GPAM: variants seen among roughly 807,000 people sequenced by gnomAD.
The protein encoded by GPAM is glycerol-3-phosphate acyltransferase, mitochondrial.
Under a neutral mutation model 105.0 loss-of-function variants are expected in GPAM, and 56 were observed. That is an observed-to-expected ratio of 0.53 (90% CI 0.43 to 0.67). The LOEUF (loss-of-function observed/expected upper bound fraction) is 0.67. GPAM is among the 30% of genes least tolerant of loss of function. The probability of loss-of-function intolerance (pLI) is 0.00; values close to 1 mark genes in which losing one functional copy is unlikely to be tolerated. For missense variants in GPAM, 855 were observed against 989.8 expected, an observed-to-expected ratio of 0.86 and a Z score of 1.83; for synonymous variants, 368 against 354.4, an observed-to-expected ratio of 1.04 and a Z score of -0.43.
At position 112,172,956 on chromosome 10, in the gene GPAM, A is replaced by T; in HGVS notation, c.657+14T>A. The T allele has an allele frequency of 7.2e-7, 1 of 1,385,740 alleles. No homozygotes were observed. Among genetic ancestry groups the T allele is most frequent in the Non-Finnish European group, 1.0e-6 (1 of 971,252 alleles). The allele number at this position is 1,385,740 out of a possible 1,614,324, so 85.8% of individuals were successfully genotyped here. The stretch of plus-strand genomic sequence containing the variant: ...GAGGGGAAAATGGGGTAATAGATTC[A>T]CAGAAATTCTTGCCTCAGTTGCAGC... On this transcript the variant is annotated intron_variant, in intron 8 of 21. Transcript: ENST00000348367.
chr10:112,202,167 C>T (rs1172022785), intron 1 of GPAM, among the ~76,000 whole-genome samples: 1 of 152,172 alleles, frequency 6.6e-6, no homozygotes, highest in East Asian at 1.9e-4. Context: ...ATATTTTAGG[C>T]TTTGTGGGCT....
chr10:112,152,823 G>T lies in GPAM; in HGVS notation c.*727C>A. 1 of 415,938 alleles carries T rather than the reference G, an allele frequency of 2.4e-6. No individual in the cohort carries two copies. The highest frequency in any genetic ancestry group is 3.2e-6 in the Non-Finnish European group (1 of 309,770). 25.8% of individuals were successfully genotyped at this position (415,938 alleles called of 1,614,324 possible). On this transcript the variant is annotated 3_prime_UTR_variant, in exon 22 of 22. Transcript: ENST00000348367. ...CAAAAGCCTTCAACACCAGTTTTCTGGCCAAGTTTCCCTAGAATTTTGCCA... is the reference window on the plus strand; with the variant it reads ...CAAAAGCCTTCAACACCAGTTTTCTTGCCAAGTTTCCCTAGAATTTTGCCA...
chr10:112,192,386 G>T (rs1197385744), intron 1 of GPAM, among the ~76,000 whole-genome samples: 2 of 152,178 alleles, frequency 1.3e-5, no homozygotes, highest in Non-Finnish European at 2.9e-5. Context: ...AAATCACAAT[G>T]AAATTTTTTT....
At chr10:112,200,942 A>G (rs1847790309) in intron 1 of GPAM, among the ~76,000 whole-genome samples, 1 of 152,238 alleles carries the variant, frequency 6.6e-6, no homozygotes, top group South Asian at 2.1e-4. Context: ...CATAAAAGAA[A>G]TGCTAATTAT....
Position 112,206,833 on chromosome 10 carries a change from TAAA to T in GPAM, n.210+8332_210+8334del, listed in dbSNP as rs57906877. Among the ~76,000 whole-genome samples, 223 of 140,218 alleles carry T rather than the reference TAAA, an allele frequency of 1.6e-3. 1 individual carries two copies. The highest frequency in any genetic ancestry group is 5.6e-3 in the African/African-American group (218 of 38,854). 92.0% of individuals were successfully genotyped at this position (140,218 alleles called of 152,430 possible). On this transcript the variant is annotated intron_variant and non_coding_transcript_variant, in intron 1 of 3. Transcript: ENST00000480130. Reference sequence around the variant, plus strand: ...TTAAAGTATAATAAAAAAAAAAATTTAAAAAAAAAAAAAAAGAATCAAAACAGG... The same window carrying T: ...TTAAAGTATAATAAAAAAAAAAATTTAAAAAAAAAAAAGAATCAAAACAGG...
At chr10:112,223,870 G>A in the GPAM span, among the ~76,000 whole-genome samples, 4 of 152,198 alleles carry the variant, frequency 2.6e-5, no homozygotes, top group East Asian at 1.9e-4. Flanking sequence ...TCCCAGGGCT[G>A]TAATTTACTG....
At chr10:112,215,569 G>C (rs1847958960), upstream of GPAM, among the ~76,000 whole-genome samples, 1 of 151,948 alleles carries the variant, frequency 6.6e-6, no homozygotes, top group African/African-American at 2.4e-5. Flanking sequence ...AATGAATGGT[G>C]TCTTCTTCGC....
rs555748454 is a variant in GPAM at position 112,165,594 on chromosome 10, G to A, written c.1221+808C>T. Among the ~76,000 whole-genome samples, 26 of 152,226 alleles carry A rather than the reference G, an allele frequency of 1.7e-4. No individual in the cohort carries two copies. The East Asian group carries it at 4.6e-3, about 27-fold the overall frequency. ...AATCCCAGCTACTTAGGAGGCTGACGCAGGAGAATTGCTTGAACCTAGGGG... is the reference window on the plus strand; with the variant it reads ...AATCCCAGCTACTTAGGAGGCTGACACAGGAGAATTGCTTGAACCTAGGGG... On this transcript the variant is annotated intron_variant, in intron 12 of 21. Transcript: ENST00000348367.
chr10:112,155,261 A>G (rs1266997557), intron 20 of GPAM: 1 of 171,140 alleles, frequency 5.8e-6, no homozygotes, highest in African/African-American at 2.4e-5. Flanking sequence ...ACAACTGTAT[A>G]AAATAGTACT....
chr10:112,167,891 C>G (rs936433813), intron 11 of GPAM, among the ~76,000 whole-genome samples: 15 of 152,232 alleles, frequency 9.9e-5, no homozygotes, highest in African/African-American at 3.6e-4. Flanking sequence ...TGCTACCTCT[C>G]AAATTAATCT....
At chr10:112,198,609 T>C (rs117749767) in intron 1 of GPAM, among the ~76,000 whole-genome samples, 4,682 of 152,232 alleles carry the variant, frequency 0.031, 81 homozygotes, top group Non-Finnish European at 0.034. Context: ...GAAAACAGTA[T>C]GGGGTGGTTC....
chr10:112,164,571 G>C lies in GPAM; in HGVS notation c.1261C>G (p.Leu421Val). 6.2e-7 allele frequency: 1 copy of C among 1,607,760 alleles called. No individual in the cohort carries two copies. Among genetic ancestry groups the C allele is most frequent in the Non-Finnish European group, 8.5e-7 (1 of 1,174,314 alleles). ...ESQSQKPVSA[L>V]LSLEQALLPA... ...AACAACGCTTGCTCCAGGGAAAGTA[G>C]AGCAGACACCGGTTTCTGACTTTGG... is the stretch of plus-strand genomic sequence containing the variant. The change falls in exon 13 of 22, where the codon CTA becomes GTA. Residue 421 changes from leucine (L) to valine (V), a missense_variant. Transcript: ENST00000348367.
chr10:112,158,544 T>C, intron 17 of GPAM, 151 bp from the exon 18 acceptor site: 1 of 675,456 alleles, frequency 1.5e-6, no homozygotes. Flanking sequence ...CAGTGCCCAC[T>C]GTCTTGATAC....
At chr10:112,224,927 TA>T in the GPAM span, among the ~76,000 whole-genome samples, 1 of 152,118 alleles carries the variant, frequency 6.6e-6, no homozygotes, top group East Asian at 1.9e-4. Context: ...CAAACAACAA[TA>T]ATCCCAGACC....
chr10:112,225,051 G>A, the GPAM span, among the ~76,000 whole-genome samples: 11 of 152,126 alleles, frequency 7.2e-5, no homozygotes, highest in Admixed American at 2.0e-4. Context: ...GGTCAGGGCC[G>A]GCCTGGTGAT....
Position 112,152,600 on chromosome 10 carries a change from A to G in GPAM, c.*950T>C. ...AGCCCTCATCAGCTGTGGCCAGAGA[A>G]CTGTATTCTAACAGTCTGTCAGCTC... On this transcript the variant is annotated 3_prime_UTR_variant, in exon 22 of 22. Transcript: ENST00000348367. 1 of 985,420 alleles carries G rather than the reference A, an allele frequency of 1.0e-6. No homozygotes were observed. The highest frequency in any genetic ancestry group is 1.2e-6 in the Non-Finnish European group (1 of 829,920). 61.0% of individuals were successfully genotyped at this position (985,420 alleles called of 1,614,324 possible). A position where few individuals can be genotyped will look rare whatever the true frequency, so the allele number is the denominator to read the frequency against.
At chr10:112,215,672 T>G (rs1847960049), upstream of GPAM, among the ~76,000 whole-genome samples, 1 of 152,144 alleles carries the variant, frequency 6.6e-6, no homozygotes, top group South Asian at 2.1e-4. Context: ...AGTGTTCACA[T>G]GGGGCGTCAG....
chr10:112,181,570 T>C (rs1847508588), intron 3 of GPAM, 113 bp downstream of exon 3: 4 of 730,666 alleles, frequency 5.5e-6, no homozygotes, highest in Non-Finnish European at 1.0e-5. Context: ...CCAGTTTCTG[T>C]AGCTATTAAT....
At chr10:112,215,217 T>G (rs1008541236) in exon 1 of GPAM, 17 of 152,324 alleles carry the variant, frequency 1.1e-4, no homozygotes, top group Middle Eastern at 3.4e-3. Context: ...AATCAGTCGA[T>G]TAGCAAAGCT....
Sources: allele counts gnomAD v4.1 joint callset (sites outside exome capture counted in the v4.1 genomes callset), GRCh38; gene constraint gnomAD v4.1.1; transcripts MANE v1.5; gene names NCBI Gene and HGNC (gene_info 2026-07-23, HGNC 2026-07-21).